TMEM232: variants seen among roughly 807,000 people sequenced by gnomAD.
TMEM232 encodes transmembrane protein 232.
Under a neutral mutation model 78.8 loss-of-function variants are expected in TMEM232, and 80 were observed. That is an observed-to-expected ratio of 1.01 (90% CI 0.85 to 1.22). The LOEUF (loss-of-function observed/expected upper bound fraction) is 1.22, where lower values mean the gene tolerates loss of function less well. Ranked by LOEUF, TMEM232 falls within the 50% of genes most tolerant of loss-of-function variation. TMEM232 has a pLI of 0.00. For missense variants in TMEM232, 881 were observed against 742.2 expected (o/e 1.19, Z -2.17); for synonymous variants, 297 against 254.3 (o/e 1.17, Z -1.60).
At chr5:110,588,529 T>A (rs1008121630) in intron 10 of TMEM232, among the ~76,000 whole-genome samples, 1 of 152,096 alleles carries the variant, frequency 6.6e-6, no homozygotes, top group African/African-American at 2.4e-5. Context: ...AGATGAGAGA[T>A]GACAGCAGGG....
chr5:110,671,808 T>C (rs753199941), intron 1 of TMEM232, among the ~76,000 whole-genome samples: 29 of 152,162 alleles, frequency 1.9e-4, no homozygotes, highest in Non-Finnish European at 3.8e-4. Context: ...GATGGGTTGA[T>C]GGGTGCAGCA....
downstream of TMEM232, among the ~76,000 whole-genome samples, chr5:110,414,863 T>A (rs1418438905): frequency 6.6e-6 from 1 of 152,184 alleles, no homozygotes; most frequent in Non-Finnish European, 1.5e-5. Context: ...GTAGAGTGGA[T>A]AAACTGGTAT....
intron 12 of TMEM232, among the ~76,000 whole-genome samples, chr5:110,452,138 C>A (rs1325423463): frequency 1.3e-5 from 2 of 152,030 alleles, no homozygotes; most frequent in Non-Finnish European, 2.9e-5. Flanking sequence ...AGTAGAGTAA[C>A]AATTGTTCAT....
At chr5:110,627,999 A>G in intron 5 of TMEM232, 119 bp from the exon 6 acceptor site, 1 of 729,798 alleles carries the variant, frequency 1.4e-6, no homozygotes, top group Non-Finnish European at 2.3e-6. Flanking sequence ...TTTTAAACTC[A>G]CTCAATATTA....
At chr5:110,734,573 C>CTA (rs1798980233) in intron 2 of TMEM232, among the ~76,000 whole-genome samples, 1 of 152,154 alleles carries the variant, frequency 6.6e-6, no homozygotes, top group Admixed American at 6.5e-5. Context: ...AACATAAATG[C>CTA]TATAGCCTAT....
chr5:110,468,110 A>AAGAT (rs902620674), intron 12 of TMEM232, among the ~76,000 whole-genome samples: 31 of 152,296 alleles, frequency 2.0e-4, no homozygotes, highest in African/African-American at 5.1e-4. Context: ...AAGAAAAAAA[A>AAGAT]AGATAGATAC....
At chr5:110,719,885 T>C (rs1797414590) in intron 1 of TMEM232, among the ~76,000 whole-genome samples, 2 of 152,092 alleles carry the variant, frequency 1.3e-5, no homozygotes, top group African/African-American at 4.8e-5. Flanking sequence ...ATTACTCTAT[T>C]GTTTTAAAAA....
intron 8 of TMEM232, chr5:110,610,392 T>C (rs1295403796): frequency 5.0e-6 from 1 of 198,602 alleles, no homozygotes; most frequent in African/African-American, 2.4e-5. Flanking sequence ...GAGAAATACA[T>C]GGGTTTTCCC....
At chr5:110,424,381 G>A (rs1009049440) in intron 13 of TMEM232, among the ~76,000 whole-genome samples, 2 of 152,146 alleles carry the variant, frequency 1.3e-5, no homozygotes, top group Non-Finnish European at 2.9e-5. Context: ...AGTATCTTCT[G>A]TGAATAGTCT....
chr5:110,550,975 G>A (rs990203012), intron 11 of TMEM232, among the ~76,000 whole-genome samples: 4 of 149,764 alleles, frequency 2.7e-5, no homozygotes, highest in Non-Finnish European at 4.4e-5. Flanking sequence ...CAGCCTAAGA[G>A]CTAAGAATGA....
chr5:110,564,702 A>C (rs1288459543), intron 11 of TMEM232, among the ~76,000 whole-genome samples: 1 of 151,954 alleles, frequency 6.6e-6, no homozygotes, highest in Non-Finnish European at 1.5e-5. Flanking sequence ...AAAAGGCATA[A>C]ACCCAAAACA....
chr5:110,601,586 AAAGGATGTG>A (rs1257502868), intron 10 of TMEM232, among the ~76,000 whole-genome samples: 1 of 152,164 alleles, frequency 6.6e-6, no homozygotes, highest in Non-Finnish European at 1.5e-5. Flanking sequence ...TCAAACTTAA[AAAGGATGTG>A]AAGGACCTCT....
chr5:110,519,763 T>C (rs1478479350), intron 12 of TMEM232, among the ~76,000 whole-genome samples: 1 of 151,796 alleles, frequency 6.6e-6, no homozygotes, highest in African/African-American at 2.4e-5. Context: ...ATGTGGTATA[T>C]ATACACAATG....
chr5:110,445,593 TAAAAC>T (rs1371828353), intron 12 of TMEM232, among the ~76,000 whole-genome samples: 1 of 151,866 alleles, frequency 6.6e-6, no homozygotes, highest in Non-Finnish European at 1.5e-5. Flanking sequence ...ATTAACAACT[TAAAAC>T]AAAAAACATT....
chr5:110,420,506 A>C lies in TMEM232; in HGVS notation c.*74T>G. 1 of 913,724 alleles carries C rather than the reference A, an allele frequency of 1.1e-6. No individual in the cohort carries two copies. Among genetic ancestry groups the C allele is most frequent in the Non-Finnish European group, 1.5e-6 (1 of 657,248 alleles). 56.6% of individuals were successfully genotyped at this position (913,724 alleles called of 1,614,324 possible). ...AAGAAAGTTCTCTTACTATGTAGCT[A>C]TCTTGGTATTTTTCATCCTATGTAT... is the stretch of plus-strand genomic sequence containing the variant. On this transcript the variant is annotated 3_prime_UTR_variant, in exon 14 of 14. Coordinates refer to ENST00000455884, the MANE Select transcript of TMEM232 (RefSeq NM_001039763.4).
intron 12 of TMEM232, among the ~76,000 whole-genome samples, chr5:110,488,310 T>C (rs567539740): frequency 3.3e-4 from 50 of 152,102 alleles, no homozygotes; most frequent in African/African-American, 1.2e-3. Flanking sequence ...ACCAGCATTC[T>C]CCAGGATAAA....
chr5:110,612,470 T>C (rs575796304), intron 8 of TMEM232, among the ~76,000 whole-genome samples: 2 of 152,256 alleles, frequency 1.3e-5, no homozygotes, highest in African/African-American at 4.8e-5. Context: ...GGAGTACTGA[T>C]GCAAACTTTT....
intron 10 of TMEM232, among the ~76,000 whole-genome samples, chr5:110,593,772 T>C (rs1779818483): frequency 6.6e-6 from 1 of 152,156 alleles, no homozygotes; most frequent in Non-Finnish European, 1.5e-5. Context: ...ACAGAGTGCC[T>C]ATAGTCAATA....
chr5:110,395,089 G>C (rs1044762200), intron 3 of TMEM232, among the ~76,000 whole-genome samples: 6 of 152,162 alleles, frequency 3.9e-5, no homozygotes, highest in Admixed American at 3.9e-4. Flanking sequence ...AGACCAACAA[G>C]TTTTTCTATT....
Sources: gnomAD v4.1 joint callset for allele counts (sites outside exome capture counted in the v4.1 genomes callset) on GRCh38, gnomAD v4.1.1 for gene constraint, MANE v1.5 for transcripts, NCBI Gene and HGNC (gene_info 2026-07-23, HGNC 2026-07-21) for gene names.